Variants in RPS6KA5 observed in about 807,000 individuals in gnomAD.
RPS6KA5 encodes the protein ribosomal protein S6 kinase alpha-5.
In RPS6KA5, 27 loss-of-function variants were observed where a neutral mutation model predicts 85.5. The observed-to-expected ratio is 0.32, with a 90% CI of 0.23 to 0.44. The LOEUF (loss-of-function observed/expected upper bound fraction) is 0.44. Among genes scored for constraint, RPS6KA5 ranks in the 20% least tolerant of loss-of-function variants. The probability of loss-of-function intolerance (pLI) is 1.00; values close to 1 mark genes in which losing one functional copy is unlikely to be tolerated. For missense variants in RPS6KA5, 811 were observed against 980.9 expected (o/e 0.83, Z 2.31); for synonymous variants, 334 against 348.2 (o/e 0.96, Z 0.46).
intron 2 of RPS6KA5, among the ~76,000 whole-genome samples, chr14:90,980,884 T>G (rs2039760225): frequency 6.6e-6 from 1 of 152,202 alleles, no homozygotes; most frequent in African/African-American, 2.4e-5. Flanking sequence ...AAAATCTTCC[T>G]TATATTGCCA....
At chr14:90,975,544 A>C (rs538579644) in intron 3 of RPS6KA5, among the ~76,000 whole-genome samples, 9 of 152,352 alleles carry the variant, frequency 5.9e-5, no homozygotes, top group Middle Eastern at 3.4e-3. Context: ...AGAGGTGGTA[A>C]GACAGTGGCC....
intron 1 of RPS6KA5, among the ~76,000 whole-genome samples, chr14:91,026,947 T>C (rs1595502842): frequency 6.6e-6 from 1 of 152,322 alleles, no homozygotes; most frequent in East Asian, 1.9e-4. Context: ...TGTTCATGTG[T>C]TTTCCGCACT....
chr14:90,946,259 C>G (rs1390590831), intron 4 of RPS6KA5, among the ~76,000 whole-genome samples: 1 of 151,632 alleles, frequency 6.6e-6, no homozygotes, highest in Non-Finnish European at 1.5e-5. Context: ...CTTGACTGCA[C>G]CTCGTTCCCC....
At position 90,873,677 on chromosome 14, in the gene RPS6KA5, T is replaced by A; in HGVS notation, c.2115A>T (p.Gly705=). ...SNPLMTPDIL[G]SSGAAVHTCV... is the part of the protein sequence containing the mutation. ...AGGTATGCACGGCAGCTCCGGAAGA[T>A]CCTAGAATATCCGGAGTCATCAGAG... The change falls in exon 16 of 17, where the codon GGA becomes GGT. Residue 705 remains glycine (G), a synonymous_variant. Coordinates refer to ENST00000614987, the MANE Select transcript of RPS6KA5 (RefSeq NM_004755.4). 2 of 1,614,152 alleles carry A rather than the reference T, an allele frequency of 1.2e-6. No homozygotes were observed. Among genetic ancestry groups the A allele is most frequent in the Middle Eastern group, 3.3e-4 (2 of 6,062 alleles).
At chr14:90,928,144 C>G (rs1047239029) in intron 5 of RPS6KA5, among the ~76,000 whole-genome samples, 3 of 151,510 alleles carry the variant, frequency 2.0e-5, no homozygotes, top group African/African-American at 7.3e-5. Flanking sequence ...TGTCCAGGCT[C>G]CTGAGCTCAA....
intron 1 of RPS6KA5, among the ~76,000 whole-genome samples, chr14:91,046,692 A>G (rs1421725059): frequency 2.0e-5 from 3 of 152,230 alleles, no homozygotes; most frequent in Non-Finnish European, 4.4e-5. Flanking sequence ...CATCGTACAA[A>G]GACAGACCTG....
intron 1 of RPS6KA5, among the ~76,000 whole-genome samples, chr14:91,023,307 G>T (rs1419648010): frequency 1.3e-5 from 2 of 149,892 alleles, no homozygotes; most frequent in Non-Finnish European, 3.0e-5. Flanking sequence ...TTTTTTTTTG[G>T]AGACAGAGTC....
intron 1 of RPS6KA5, among the ~76,000 whole-genome samples, chr14:91,044,355 GAAAGAAAGAGAAAGAAAGAAGGAA>G (rs1420192547): frequency 4.1e-5 from 1 of 24,534 alleles, no homozygotes. Context: ...AAGAAAGAAA[GAAAGAAAGAGAAAGAAAGAAGGAA>G]AGAAAGAAAG....
intron 14 of RPS6KA5, among the ~76,000 whole-genome samples, chr14:90,884,987 T>C (rs1387006123): frequency 6.6e-6 from 1 of 152,106 alleles, no homozygotes; most frequent in Non-Finnish European, 1.5e-5. Flanking sequence ...GAACAGGGGC[T>C]CACACCTGCA....
intron 3 of RPS6KA5, among the ~76,000 whole-genome samples, chr14:90,948,657 C>G (rs1320489346): frequency 6.6e-6 from 1 of 151,072 alleles, no homozygotes; most frequent in African/African-American, 2.4e-5. Flanking sequence ...ATCGCGCCAC[C>G]GCACTCCAGC....
At chr14:90,976,604 G>C (rs1385831539) in intron 3 of RPS6KA5, among the ~76,000 whole-genome samples, 1 of 152,082 alleles carries the variant, frequency 6.6e-6, no homozygotes, top group East Asian at 1.9e-4. Flanking sequence ...CAACAGTCTT[G>C]TTGTTCATGT....
intron 7 of RPS6KA5, among the ~76,000 whole-genome samples, chr14:90,909,593 A>T (rs1411191066): frequency 2.0e-5 from 3 of 152,220 alleles, no homozygotes; most frequent in Admixed American, 2.0e-4. Flanking sequence ...GGTGGCTTTA[A>T]TATTCATTTG....
intron 3 of RPS6KA5, among the ~76,000 whole-genome samples, chr14:90,975,185 A>AT (rs1566814560): frequency 6.6e-6 from 1 of 151,766 alleles, no homozygotes. Flanking sequence ...GAAAACACAT[A>AT]TTTAAAAAAA....
At chr14:90,980,212 C>T (rs2039734314) in intron 2 of RPS6KA5, among the ~76,000 whole-genome samples, 1 of 152,214 alleles carries the variant, frequency 6.6e-6, no homozygotes, top group Admixed American at 6.5e-5. Flanking sequence ...TTATGCACTA[C>T]ACCTTCCAAC....
intron 5 of RPS6KA5, among the ~76,000 whole-genome samples, chr14:90,936,376 C>T (rs1159528397): frequency 6.6e-6 from 1 of 151,996 alleles, no homozygotes; most frequent in Non-Finnish European, 1.5e-5. Flanking sequence ...CCAACCTGGG[C>T]AACATGGTGA....
Position 90,906,177 on chromosome 14 carries a change from T to C in RPS6KA5, c.929A>G (p.Asp310Gly), listed in dbSNP as rs758673014. 3.1e-6 allele frequency: 5 copies of C among 1,608,548 alleles called. No homozygotes were observed. In the African/African-American group the frequency reaches 5.3e-5, roughly 17 times the overall value. ...AAAGAAGAGATGTTCTTTGATTTCA[T>C]CTGCATCACGTGGACCACATCCCAA... ...KRLGCGPRDA[D>G]EIKEHLFFQK... The change falls in exon 8 of 17, where the codon GAT becomes GGT. Residue 310 changes from aspartate to glycine, a missense_variant. Coordinates refer to ENST00000614987, the MANE Select transcript of RPS6KA5 (RefSeq NM_004755.4).
intron 5 of RPS6KA5, among the ~76,000 whole-genome samples, chr14:90,933,249 A>G (rs533146852): frequency 5.3e-4 from 80 of 152,250 alleles, no homozygotes; most frequent in African/African-American, 1.8e-3. Flanking sequence ...TCTCTCCCAA[A>G]TTCCAGACTC....
At chr14:90,911,464 G>A (rs565880881) in intron 7 of RPS6KA5, 2 of 152,068 alleles carry the variant, frequency 1.3e-5, no homozygotes, top group African/African-American at 2.4e-5. Context: ...ATGACTTAAC[G>A]TTCTTGACTT....
chr14:90,872,202 C>G lies in RPS6KA5; in HGVS notation c.2281G>C (p.Glu761Gln). 1 of 1,613,882 alleles carries G rather than the reference C, an allele frequency of 6.2e-7. No homozygotes were observed. Among genetic ancestry groups the G allele is most frequent in the Non-Finnish European group, 8.5e-7 (1 of 1,179,988 alleles). The change falls in exon 17 of 17, where the codon GAG becomes CAG. Residue 761 changes from glutamate (E) to glutamine (Q), a missense_variant. Physicochemically the swap from Glu to Gln is conservative, Grantham distance 29. Transcript: ENST00000614987. ...TSTETRSSSS[E>Q]SSHSSSSHSH... ...TGAGAGGAAGAAGAATGGGAACTCT[C>G]ACTGGAACTGCTGCGCGTCTCGGTA...
Sources: allele counts gnomAD v4.1 joint callset (sites outside exome capture counted in the v4.1 genomes callset), GRCh38; gene constraint gnomAD v4.1.1; transcripts MANE v1.5; gene names NCBI Gene and HGNC (gene_info 2026-07-23, HGNC 2026-07-21).